Variants in LAMC2 observed in about 807,000 individuals in gnomAD.
LAMC2 encodes laminin subunit gamma 2.
Under a neutral mutation model 140.2 loss-of-function variants are expected in LAMC2, and 97 were observed. That is an observed-to-expected ratio of 0.69 (90% CI 0.59 to 0.82). The LOEUF (loss-of-function observed/expected upper bound fraction) is 0.82, where lower values mean the gene tolerates loss of function less well. Ranked by LOEUF, LAMC2 falls within the 40% of genes least tolerant of loss-of-function variation. The probability of loss-of-function intolerance (pLI) is 0.00; values close to 1 mark genes in which losing one functional copy is unlikely to be tolerated. For synonymous variants in LAMC2, 513 were observed against 540.2 expected (o/e 0.95, Z 0.70); for missense variants, 1,402 against 1,476.1 (o/e 0.95, Z 0.82).
intron 1 of LAMC2, among the ~76,000 whole-genome samples, chr1:183,200,324 A>T (rs1658666491): frequency 6.6e-6 from 1 of 152,018 alleles, no homozygotes; most frequent in Admixed American, 6.6e-5. Flanking sequence ...TGGGAGGCAG[A>T]GGTTGCAGCA....
At chr1:183,230,626 G>A (rs1397645191) in intron 11 of LAMC2, among the ~76,000 whole-genome samples, 1 of 151,690 alleles carries the variant, frequency 6.6e-6, no homozygotes, top group African/African-American at 2.4e-5. Flanking sequence ...CTGCAAAATA[G>A]AGGGGGATGT....
At chr1:183,214,335 T>C (rs1447230923) in intron 2 of LAMC2, among the ~76,000 whole-genome samples, 2 of 152,146 alleles carry the variant, frequency 1.3e-5, no homozygotes, top group African/African-American at 4.8e-5. Context: ...GGATTTTAGA[T>C]GCAGGAGTCA....
rs769572484 is a variant in LAMC2, at chr1:183,223,217, A to G, written c.846A>G (p.Pro282=). 65 of 1,613,804 alleles carry G rather than the reference A, an allele frequency of 4.0e-5. No individual in the cohort carries two copies. The highest frequency in any genetic ancestry group is 5.0e-5 in the Admixed American group (3 of 60,006). ...GTGTGGACAGAGGAGGCAGACACCC[A>G]TCTGCCCATGATGTGATTCTGGAAG... ...DYRVDRGGRH[P]SAHDVILEGA... Residue 282 remains proline, a synonymous_variant, in exon 7 of 23, where the codon CCA becomes CCG. Transcript: ENST00000264144.
intron 1 of LAMC2, among the ~76,000 whole-genome samples, chr1:183,201,354 T>C (rs539223655): frequency 3.9e-5 from 6 of 152,318 alleles, no homozygotes; most frequent in East Asian, 3.9e-4. Context: ...CCCGAACCCA[T>C]ACCTGGGTTC....
chr1:183,191,388 T>C (rs1390214866), intron 1 of LAMC2, among the ~76,000 whole-genome samples: 8 of 152,156 alleles, frequency 5.3e-5, no homozygotes, highest in Admixed American at 5.2e-4. Flanking sequence ...TGTTGATTTG[T>C]GATTCGTGTT....
chr1:183,252,872 A>C, the LAMC2 span: 1 of 661,800 alleles, frequency 1.5e-6, no homozygotes, highest in Non-Finnish European at 2.7e-6. Context: ...GTTCTGTATT[A>C]GGAAAGGCCC....
intron 17 of LAMC2, 141 bp downstream of exon 17, chr1:183,236,745 C>A: frequency 1.0e-6 from 1 of 986,322 alleles, no homozygotes; most frequent in Non-Finnish European, 1.6e-6. Flanking sequence ...GAGTATTTAG[C>A]CTTCTCATTA....
intron 1 of LAMC2, among the ~76,000 whole-genome samples, chr1:183,189,467 G>C (rs776611861): frequency 3.9e-5 from 6 of 152,180 alleles, no homozygotes; most frequent in Non-Finnish European, 7.3e-5. Flanking sequence ...GTGAGGGTGA[G>C]GCTACAGTGA....
chr1:183,195,436 C>T (rs558654333), intron 1 of LAMC2, among the ~76,000 whole-genome samples: 1 of 152,240 alleles, frequency 6.6e-6, no homozygotes, highest in East Asian at 1.9e-4. Flanking sequence ...AAAAAACTGA[C>T]CCATACTTTA....
In LAMC2 at chr1:183,238,314, A is replaced by G. The variant is rs1018518183; in HGVS notation, c.2762A>G (p.Asp921Gly). 4 of 1,613,162 alleles carry G rather than the reference A, an allele frequency of 2.5e-6. No individual in the cohort carries two copies. The highest frequency in any genetic ancestry group is 1.7e-5 in the Admixed American group (1 of 59,994). ...QNGKSGREKS[D>G]QLLSRANLAK... is the part of the protein sequence containing the mutation. ...CTATCTGCCTTTTTACAGAAATCAGATCAGCTGCTTTCCCGTGCCAATCTT... is the reference window on the plus strand; with the variant it reads ...CTATCTGCCTTTTTACAGAAATCAGGTCAGCTGCTTTCCCGTGCCAATCTT... The change falls in exon 19 of 23, where the codon GAT becomes GGT. Residue 921 changes from aspartate (D) to glycine (G), a missense_variant. Asp to Gly is a moderately conservative substitution (Grantham distance 94). This residue lies in a region of LAMC2 where 670 missense variants were observed against 667.2 expected (regional missense o/e 1.00). Transcript: ENST00000264144.
chr1:183,218,327 T>G (rs1020665080), intron 3 of LAMC2, 63 bp from the exon 4 acceptor site: 3 of 1,309,414 alleles, frequency 2.3e-6, no homozygotes, highest in Non-Finnish European at 3.3e-6. Flanking sequence ...CAGTTGATTT[T>G]TATGTGCATA....
chr1:183,215,100 C>G (rs547103850), intron 2 of LAMC2, among the ~76,000 whole-genome samples: 8 of 152,286 alleles, frequency 5.3e-5, no homozygotes, highest in Middle Eastern at 3.4e-3. Flanking sequence ...CAGATACAAA[C>G]TCTCTTCTAG....
chr1:183,202,357 A>G (rs1264731622), intron 1 of LAMC2, among the ~76,000 whole-genome samples: 1 of 152,210 alleles, frequency 6.6e-6, no homozygotes, highest in African/African-American at 2.4e-5. Context: ...TGTTTATTAA[A>G]TTAATAAAAT....
chr1:183,209,953 G>C (rs1366908312), intron 2 of LAMC2, among the ~76,000 whole-genome samples: 2 of 152,190 alleles, frequency 1.3e-5, no homozygotes, highest in Non-Finnish European at 2.9e-5. Context: ...TTGGCAGGAA[G>C]TGGTGGAGCC....
chr1:183,186,527 C>G (rs1658157179), intron 1 of LAMC2, 96 bp downstream of exon 1: 1 of 1,385,680 alleles, frequency 7.2e-7, no homozygotes, highest in African/African-American at 1.4e-5. Flanking sequence ...CGAGGATTCC[C>G]ACTTTGTCCA....
intron 5 of LAMC2, 101 bp from the exon 6 acceptor site, chr1:183,221,988 C>G (rs1659487464): frequency 7.0e-7 from 1 of 1,425,040 alleles, no homozygotes; most frequent in Non-Finnish European, 9.9e-7. Context: ...ACCCCACTTT[C>G]TACTCACCAC....
chr1:183,235,568 C>T lies in LAMC2; in HGVS notation c.2301-7C>T, dbSNP rs2102244952. 6.2e-7 allele frequency: 1 copy of T among 1,614,092 alleles called. No individual in the cohort carries two copies. The highest frequency in any genetic ancestry group is 1.1e-5 in the South Asian group (1 of 91,076). ...AACTCTTATTCTTTTGTTTTTAATC[C>T]TTTCAGCCACGTTGAGTCAGCCAGT... On this transcript the variant is annotated splice_region_variant and splice_polypyrimidine_tract_variant and intron_variant, in intron 15 of 22. Transcript: ENST00000264144.
At chr1:183,248,351 T>C (rs1161564610), downstream of LAMC2, 1 of 152,666 alleles carries the variant, frequency 6.6e-6, no homozygotes, top group Non-Finnish European at 1.5e-5. Context: ...GAAATGGTAT[T>C]GCAACTTGAA....
chr1:183,221,622 G>C (rs1487196475), intron 5 of LAMC2, among the ~76,000 whole-genome samples: 1 of 151,960 alleles, frequency 6.6e-6, no homozygotes, highest in Non-Finnish European at 1.5e-5. Flanking sequence ...CCAGCTACTC[G>C]GGAGGCTGAG....
Sources: allele counts gnomAD v4.1 joint callset (sites outside exome capture counted in the v4.1 genomes callset), GRCh38; gene constraint gnomAD v4.1.1; regional missense constraint gnomAD v4.1.1; transcripts MANE v1.5; gene names NCBI Gene and HGNC (gene_info 2026-07-23, HGNC 2026-07-21).